DPH6: variants seen among roughly 807,000 people sequenced by gnomAD.
The protein encoded by DPH6 is diphthine--ammonia ligase.
Under a neutral mutation model 38.2 loss-of-function variants are expected in DPH6, and 33 were observed. That is an observed-to-expected ratio of 0.86 (90% CI 0.65 to 1.15). The LOEUF (loss-of-function observed/expected upper bound fraction) is 1.15, where lower values mean the gene tolerates loss of function less well. Ranked by LOEUF, DPH6 falls within the 50% of genes most tolerant of loss-of-function variation. The pLI is 0.00. For missense variants in DPH6, 325 were observed against 320.0 expected (o/e 1.02, Z -0.12); for synonymous variants, 108 against 103.0 (o/e 1.05, Z -0.30).
At chr15:35,161,824 C>G in the DPH6 span, among the ~76,000 whole-genome samples, 1 of 151,926 alleles carries the variant, frequency 6.6e-6, no homozygotes, top group Non-Finnish European at 1.5e-5. Context: ...TTCTCAGCCT[C>G]TAGAACTGTG....
chr15:35,223,581 G>A (rs965936605), intron 3 of DPH6, among the ~76,000 whole-genome samples: 1 of 152,078 alleles, frequency 6.6e-6, no homozygotes, highest in African/African-American at 2.4e-5. Flanking sequence ...AGCTACTCGG[G>A]AGGCTGAGGC....
At chr15:35,271,075 G>A (rs529426795) in intron 3 of DPH6, among the ~76,000 whole-genome samples, 73 of 152,274 alleles carry the variant, frequency 4.8e-4, no homozygotes, top group African/African-American at 1.4e-3. Context: ...GTATAAATAC[G>A]TCCAGGAAAC....
chr15:35,274,686 A>G (rs951857129), intron 3 of DPH6, among the ~76,000 whole-genome samples: 3 of 150,312 alleles, frequency 2.0e-5, no homozygotes, highest in East Asian at 3.9e-4. Flanking sequence ...TCAAAACCAC[A>G]ATGAGATACC....
At chr15:35,468,341 A>G (rs1449791165) in intron 3 of DPH6, among the ~76,000 whole-genome samples, 1 of 152,214 alleles carries the variant, frequency 6.6e-6, no homozygotes, top group Non-Finnish European at 1.5e-5. Context: ...CACCAGGTGA[A>G]TATCTGTGCA....
chr15:35,255,318 A>G (rs1424615353), intron 3 of DPH6, among the ~76,000 whole-genome samples: 1 of 152,198 alleles, frequency 6.6e-6, no homozygotes, highest in East Asian at 1.9e-4. Flanking sequence ...TGCTGTTCTG[A>G]AATTAGACTT....
At chr15:35,191,448 A>G in the DPH6 span, among the ~76,000 whole-genome samples, 1 of 152,186 alleles carries the variant, frequency 6.6e-6, no homozygotes, top group Non-Finnish European at 1.5e-5. Context: ...TGAAAAGCCT[A>G]TGAACATCTC....
rs2053612797 is a variant in DPH6, at chr15:35,430,052, T to C, written c.506-19156A>G. ...TAAGTTAACCTTGCTAATTTGTTTG[T>C]AAAGGCTGAATTTAAAAAGAAATCA... is the stretch of plus-strand genomic sequence containing the variant. On this transcript the variant is annotated intron_variant, in intron 5 of 8. Transcript: ENST00000256538. Among the ~76,000 whole-genome samples the C allele has an allele frequency of 2.6e-5, 4 of 152,104 alleles. 1 individual carries two copies. The South Asian group carries it at 8.3e-4, about 31-fold the overall frequency.
At chr15:35,383,336 G>A (rs1157305397) in intron 6 of DPH6, among the ~76,000 whole-genome samples, 1 of 152,132 alleles carries the variant, frequency 6.6e-6, no homozygotes, top group Admixed American at 6.6e-5. Context: ...TTTAAAATCT[G>A]GATGTACCCA....
intron 3 of DPH6, among the ~76,000 whole-genome samples, chr15:35,245,921 G>A (rs1006088912): frequency 6.6e-6 from 1 of 152,150 alleles, no homozygotes; most frequent in Admixed American, 6.5e-5. Context: ...AAGCCTGCAC[G>A]TATACATCCA....
At chr15:35,449,618 T>A (rs1039522047) in intron 5 of DPH6, among the ~76,000 whole-genome samples, 2 of 151,928 alleles carry the variant, frequency 1.3e-5, no homozygotes, top group Middle Eastern at 3.4e-3. Context: ...CAGAGTCACA[T>A]AGAAATTCAT....
At chr15:35,227,371 G>C (rs1595436127) in intron 3 of DPH6, among the ~76,000 whole-genome samples, 1 of 151,542 alleles carries the variant, frequency 6.6e-6, no homozygotes, top group Non-Finnish European at 1.5e-5. Context: ...TTTTAGTAGA[G>C]ATAGGGTTTC....
chr15:35,329,821 C>A (rs914595746), downstream of DPH6, among the ~76,000 whole-genome samples: 7 of 152,048 alleles, frequency 4.6e-5, no homozygotes, highest in African/African-American at 1.2e-4. Context: ...TGACTATGTG[C>A]CAGAAATTGA....
intron 3 of DPH6, among the ~76,000 whole-genome samples, chr15:35,513,937 C>T (rs1409562235): frequency 6.6e-6 from 1 of 151,924 alleles, no homozygotes; most frequent in Admixed American, 6.5e-5. Context: ...AAGTCTTTTT[C>T]TTGGTTGCTA....
intron 3 of DPH6, among the ~76,000 whole-genome samples, chr15:35,309,089 C>G (rs1456978103): frequency 6.6e-6 from 1 of 152,202 alleles, no homozygotes; most frequent in Non-Finnish European, 1.5e-5. Flanking sequence ...ACTAAGAACT[C>G]TCACAACTGA....
At chr15:35,493,431 C>T (rs986742672) in intron 3 of DPH6, among the ~76,000 whole-genome samples, 1 of 151,952 alleles carries the variant, frequency 6.6e-6, no homozygotes, top group Non-Finnish European at 1.5e-5. Flanking sequence ...ACAACAATAA[C>T]AAAAATAATT....
At chr15:35,238,252 T>G in intron 3 of DPH6, 1 of 460,506 alleles carries the variant, frequency 2.2e-6, no homozygotes, top group Non-Finnish European at 3.9e-6. Context: ...TGGAATAAAA[T>G]ACTATTTTTA....
chr15:35,177,438 T>G, the DPH6 span, among the ~76,000 whole-genome samples: 1 of 128,934 alleles, frequency 7.8e-6, no homozygotes, highest in African/African-American at 2.7e-5. Flanking sequence ...TAATAAAAAT[T>G]AGCTGAGCAT....
chr15:35,162,812 A>G, the DPH6 span, among the ~76,000 whole-genome samples: 1 of 151,894 alleles, frequency 6.6e-6, no homozygotes, highest in African/African-American at 2.4e-5. Context: ...AGCAGTTTTC[A>G]AAGGTTTTTC....
chr15:35,241,753 G>C (rs538490313), intron 3 of DPH6, among the ~76,000 whole-genome samples: 1 of 142,364 alleles, frequency 7.0e-6, no homozygotes, highest in African/African-American at 2.5e-5. Context: ...TTACCCCTCT[G>C]AATGCCAATA....
Sources: gnomAD v4.1 joint callset for allele counts (sites outside exome capture counted in the v4.1 genomes callset) on GRCh38, gnomAD v4.1.1 for gene constraint, MANE v1.5 for transcripts, NCBI Gene and HGNC (gene_info 2026-07-23, HGNC 2026-07-21) for gene names.